Variants in POGLUT1 observed in about 807,000 individuals in gnomAD.
The protein encoded by POGLUT1 is protein O-glucosyltransferase 1.
POGLUT1 carries 32 observed loss-of-function variants against 61.3 expected under a neutral mutation model. The observed-to-expected ratio is 0.52, with a 90% confidence interval of 0.39 to 0.70. The LOEUF (loss-of-function observed/expected upper bound fraction) is 0.70, where lower values mean the gene tolerates loss of function less well. Ranked by LOEUF, POGLUT1 falls within the 30% of genes least tolerant of loss-of-function variation. POGLUT1 has a pLI of 0.00. For missense variants in POGLUT1, 411 were observed against 469.8 expected (o/e 0.87, Z 1.16); for synonymous variants, 158 against 158.2 (o/e 1.00, Z 0.01).
chr3:119,480,374 G>A (rs964125518), intron 5 of POGLUT1, among the ~76,000 whole-genome samples: 5 of 151,504 alleles, frequency 3.3e-5, no homozygotes, highest in African/African-American at 4.9e-5. Flanking sequence ...TCAGCCTCCC[G>A]AGTAGCTGGG....
rs747354887 is a variant in POGLUT1, at chr3:119,469,886, G to C, written c.152G>C (p.Ser51Thr). 1 of 1,604,254 alleles carries C rather than the reference G, an allele frequency of 6.2e-7. No individual in the cohort carries two copies. Among genetic ancestry groups the C allele is most frequent in the Non-Finnish European group, 8.5e-7 (1 of 1,170,978 alleles). The change falls in exon 2 of 11, where the codon AGT becomes ACT. Residue 51 changes from serine (S) to threonine (T), a missense_variant. Coordinates refer to ENST00000295588, the MANE Select transcript of POGLUT1 (RefSeq NM_152305.3). ...TTGGAGAATTACGAACCATGTTCAA[G>C]TCAAAACTGCAGCTGCTACCATGGG... is the stretch of plus-strand genomic sequence containing the variant. ...RSLENYEPCS[S>T]QNCSCYHGVI...
chr3:119,475,550 C>A (rs917595583), intron 3 of POGLUT1, among the ~76,000 whole-genome samples: 4 of 152,168 alleles, frequency 2.6e-5, no homozygotes. Context: ...AGGTGGCTCA[C>A]GCCTGTTATC....
At position 119,494,355 on chromosome 3, in the gene POGLUT1, C is replaced by T. The variant is rs1331329267; in HGVS notation, c.*1917C>T. 1.3e-5 allele frequency: 2 copies of T among 152,624 alleles called. No individual in the cohort carries two copies. The highest frequency in any genetic ancestry group is 3.8e-4 in the East Asian group (2 of 5,202). The allele number at this position is 152,624 out of a possible 1,614,324, so 9.5% of individuals were successfully genotyped here. ...ACCAGATCCTATATACAGATTATTA[C>T]TGGCTCCAAAGGATGAGTAGATAAG... On this transcript the variant is annotated 3_prime_UTR_variant, in exon 11 of 11. Coordinates refer to ENST00000295588, the MANE Select transcript of POGLUT1 (RefSeq NM_152305.3).
intron 3 of POGLUT1, among the ~76,000 whole-genome samples, chr3:119,472,169 C>G (rs1231271483): frequency 6.6e-6 from 1 of 151,028 alleles, no homozygotes; most frequent in Non-Finnish European, 1.5e-5. Flanking sequence ...CAGCATTGCA[C>G]ACACCAAAAG....
intron 5 of POGLUT1, among the ~76,000 whole-genome samples, chr3:119,485,075 G>C (rs2081648939): frequency 6.6e-6 from 1 of 152,118 alleles, no homozygotes; most frequent in Non-Finnish European, 1.5e-5. Flanking sequence ...AAATTAGCCG[G>C]GCGTGGTGGC....
intron 7 of POGLUT1, among the ~76,000 whole-genome samples, chr3:119,487,425 A>G (rs1306913000): frequency 6.6e-6 from 1 of 152,082 alleles, no homozygotes; most frequent in Non-Finnish European, 1.5e-5. Context: ...CGTCTCTACT[A>G]AAAACACAAA....
rs775470838 is a variant in POGLUT1, at chr3:119,490,617, A to T, written c.864A>T (p.Ser288=). ...TTAAACACCTCTTCCTGTGTGGCTCACTTGTTTTCCATGTTGGTGATGAGT... is the reference window on the plus strand; with the variant it reads ...TTAAACACCTCTTCCTGTGTGGCTCTCTTGTTTTCCATGTTGGTGATGAGT... ...FRFKHLFLCG[S]LVFHVGDEWL... The change falls in exon 9 of 11, where the codon TCA becomes TCT. Residue 288 remains serine (S), a synonymous_variant. Coordinates refer to ENST00000295588, the MANE Select transcript of POGLUT1 (RefSeq NM_152305.3). 6.2e-7 allele frequency: 1 copy of T among 1,614,134 alleles called. No homozygotes were observed. Among genetic ancestry groups the T allele is most frequent in the Non-Finnish European group, 8.5e-7 (1 of 1,179,968 alleles).
intron 6 of POGLUT1, 105 bp downstream of exon 6, chr3:119,485,492 A>T: frequency 1.5e-6 from 1 of 647,310 alleles, no homozygotes. Context: ...GAAAGCTAAG[A>T]TAACAAAGAA....
At chr3:119,481,058 A>G (rs1008812685) in intron 5 of POGLUT1, among the ~76,000 whole-genome samples, 3 of 152,128 alleles carry the variant, frequency 2.0e-5, no homozygotes, top group Non-Finnish European at 4.4e-5. Context: ...CAATTTTTCT[A>G]TACTTAAGAT....
intron 4 of POGLUT1, among the ~76,000 whole-genome samples, chr3:119,478,984 G>A (rs1160378426): frequency 1.3e-5 from 2 of 151,802 alleles, no homozygotes; most frequent in Non-Finnish European, 2.9e-5. Flanking sequence ...GAGTGCAGTG[G>A]CGCGATCTCA....
At chr3:119,475,953 T>TA (rs2081531167) in intron 3 of POGLUT1, among the ~76,000 whole-genome samples, 3 of 113,786 alleles carry the variant, frequency 2.6e-5, no homozygotes, top group Admixed American at 9.5e-5. Flanking sequence ...AGACTGTCTC[T>TA]CCACACACAC....
chr3:119,473,938 C>T (rs2081506804), intron 3 of POGLUT1, among the ~76,000 whole-genome samples: 1 of 152,078 alleles, frequency 6.6e-6, no homozygotes, highest in South Asian at 2.1e-4. Flanking sequence ...GGATTACAGG[C>T]AGGTCTAGAT....
rs1192170907 is a variant in POGLUT1 at position 119,492,329 on chromosome 3, G to A, written c.1070G>A (p.Cys357Tyr). The A allele has an allele frequency of 6.2e-7, 1 of 1,610,702 alleles. No homozygotes were observed. Among genetic ancestry groups the A allele is most frequent in the African/African-American group, 1.3e-5 (1 of 74,788 alleles). Residue 357 changes from cysteine (C) to tyrosine (Y), a missense_variant, in exon 11 of 11, where the codon TGT (cysteine) becomes TAT (tyrosine). Coordinates refer to ENST00000295588, the MANE Select transcript of POGLUT1 (RefSeq NM_152305.3). ...RNHLQMDDIT[C>Y]YWENLLSEYS... is the part of the protein sequence containing the mutation. The stretch of plus-strand genomic sequence containing the variant: ...CATTTGCAGATGGATGACATCACCT[G>A]TTACTGGGAGAACCTCTTGAGTGAA...
intron 4 of POGLUT1, chr3:119,479,834 T>G: frequency 8.6e-7 from 1 of 1,169,050 alleles, no homozygotes; most frequent in Non-Finnish European, 1.2e-6. Flanking sequence ...ACCTTTAATG[T>G]GATTCTGAAT....
chr3:119,480,180 CTTTAAAGAGGT>C lies in POGLUT1; in HGVS notation c.578+13_578+23del. ...CAGAGAAGATCTGGTAAGGTAGGTC[CTTTAAAGAGGT>C]TTTATTTTTTCTCTTTCTGGGTTTT... On this transcript the variant is annotated intron_variant, in intron 5 of 10. Coordinates refer to ENST00000295588, the MANE Select transcript of POGLUT1 (RefSeq NM_152305.3). The C allele has an allele frequency of 6.5e-7, 1 of 1,536,622 alleles. No homozygotes were observed. The highest frequency in any genetic ancestry group is 2.3e-5 in the Admixed American group (1 of 43,842).
intron 6 of POGLUT1, among the ~76,000 whole-genome samples, chr3:119,485,813 G>T (rs1367528674): frequency 6.6e-6 from 1 of 152,170 alleles, no homozygotes; most frequent in African/African-American, 2.4e-5. Flanking sequence ...CCAAATAGTG[G>T]TTAAGAGCAC....
intron 5 of POGLUT1, among the ~76,000 whole-genome samples, chr3:119,483,701 C>G (rs953478854): frequency 1.3e-5 from 2 of 152,196 alleles, no homozygotes; most frequent in African/African-American, 4.8e-5. Flanking sequence ...ACATTTGGGG[C>G]TGGATAATTC....
chr3:119,490,763 A>G, intron 9 of POGLUT1, 45 bp downstream of exon 9: 2 of 1,549,744 alleles, frequency 1.3e-6, no homozygotes. Context: ...GACCCTTCCA[A>G]TCTGCTTTTA....
intron 10 of POGLUT1, 39 bp downstream of exon 10, chr3:119,491,613 T>A: frequency 8.5e-7 from 1 of 1,173,538 alleles, no homozygotes; most frequent in Non-Finnish European, 1.3e-6. Context: ...CTTTACTTTT[T>A]GTCATCCCCA....
Sources: allele counts gnomAD v4.1 joint callset (sites outside exome capture counted in the v4.1 genomes callset), GRCh38; gene constraint gnomAD v4.1.1; transcripts MANE v1.5; gene names NCBI Gene and HGNC (gene_info 2026-07-23, HGNC 2026-07-21).